Variants in SLC11A2 observed in about 807,000 individuals in gnomAD.
SLC11A2 encodes solute carrier family 11 member 2.
In SLC11A2, 38 loss-of-function variants were observed where a neutral mutation model predicts 68.0. That is an observed-to-expected ratio of 0.56 (90% CI 0.43 to 0.73). The LOEUF is 0.73. SLC11A2 is among the 30% of genes least tolerant of loss of function. SLC11A2 has a pLI of 0.00. For synonymous variants in SLC11A2, 242 were observed against 250.6 expected (o/e 0.97, Z 0.32); for missense variants, 517 against 690.5 (o/e 0.75, Z 2.82).
At chr12:51,005,513 G>A in intron 3 of SLC11A2, 77 bp from the exon 4 acceptor site, 7 of 1,598,228 alleles carry the variant, frequency 4.4e-6, no homozygotes, top group Non-Finnish European at 6.0e-6. Context: ...TATCACATAT[G>A]AAGCAACAAA....
the SLC11A2 span, among the ~76,000 whole-genome samples, chr12:50,970,702 G>A: frequency 8.5e-5 from 13 of 152,180 alleles, no homozygotes; most frequent in African/African-American, 2.6e-4. Flanking sequence ...GAAATATCCC[G>A]TGTTAATGTC....
Position 50,986,927 on chromosome 12 carries a change from G to A in SLC11A2, c.*1398C>T, listed in dbSNP as rs1218714195. On this transcript the variant is annotated 3_prime_UTR_variant, in exon 16 of 16. Coordinates refer to ENST00000262052, the MANE Select transcript of SLC11A2 (RefSeq NM_000617.3). ...ACACCAATCAGCCAGGACTCTGGAA[G>A]GAAAGCTCCAAAAATGAGAAGTCCT... is the stretch of plus-strand genomic sequence containing the variant. The A allele has an allele frequency of 7.8e-7, 1 of 1,287,208 alleles. No homozygotes were observed. Among genetic ancestry groups the A allele is most frequent in the East Asian group, 5.5e-5 (1 of 18,026 alleles). 79.7% of individuals were successfully genotyped at this position (1,287,208 alleles called of 1,614,324 possible). A position where few individuals can be genotyped will look rare whatever the true frequency, so the allele number is the denominator to read the frequency against.
At chr12:51,021,629 A>AC (rs1379552530) in intron 1 of SLC11A2, among the ~76,000 whole-genome samples, 2 of 151,374 alleles carry the variant, frequency 1.3e-5, no homozygotes, top group African/African-American at 4.8e-5. Context: ...CCTGTCTCAA[A>AC]AAAAAAAAAA....
chr12:50,960,874 C>G, the SLC11A2 span: 2 of 1,051,366 alleles, frequency 1.9e-6, no homozygotes, highest in Non-Finnish European at 1.3e-6. Context: ...GAGATGGGGT[C>G]TTGCTATGTT....
chr12:50,981,224 A>G (rs574931990), downstream of SLC11A2: 1 of 152,512 alleles, frequency 6.6e-6, no homozygotes, highest in East Asian at 1.9e-4. Flanking sequence ...TCACTGACAT[A>G]GTAAAGTATC....
Position 50,986,141 on chromosome 12 carries a change from T to A in SLC11A2, c.*2184A>T. The stretch of plus-strand genomic sequence containing the variant: ...CCTTTTCCCCTGTTAATTTCCAGTA[T>A]AATGTAGCAGCACAATTATTTCATG... On this transcript the variant is annotated 3_prime_UTR_variant, in exon 16 of 16. Transcript: ENST00000262052. 1 of 1,286,242 alleles carries A rather than the reference T, an allele frequency of 7.8e-7. No homozygotes were observed. The highest frequency in any genetic ancestry group is 1.0e-6 in the Non-Finnish European group (1 of 987,892). The allele number at this position is 1,286,242 out of a possible 1,614,324, so 79.7% of individuals were successfully genotyped here.
At chr12:50,996,262 C>T (rs1382813510) in intron 9 of SLC11A2, among the ~76,000 whole-genome samples, 1 of 152,196 alleles carries the variant, frequency 6.6e-6, no homozygotes, top group Non-Finnish European at 1.5e-5. Context: ...ACTTGATGCA[C>T]TTCCAACCTT....
chr12:50,960,962 T>C, the SLC11A2 span: 1 of 1,562,870 alleles, frequency 6.4e-7, no homozygotes, highest in South Asian at 1.2e-5. Context: ...CTTTTAAAAT[T>C]CACAGGTATA....
the SLC11A2 span, among the ~76,000 whole-genome samples, chr12:50,956,293 G>T: frequency 1.3e-5 from 2 of 152,186 alleles, no homozygotes; most frequent in African/African-American, 4.8e-5. Context: ...TCAGGAGGCT[G>T]AGGCGGGAGA....
At chr12:51,014,343 C>A (rs543183388) in intron 1 of SLC11A2, 1 of 152,150 alleles carries the variant, frequency 6.6e-6, no homozygotes, top group African/African-American at 2.4e-5. Flanking sequence ...AGAAATATTT[C>A]ATGATAAAAT....
Position 50,992,836 on chromosome 12 carries a change from T to C in SLC11A2, c.1171A>G (p.Thr391Ala), listed in dbSNP as rs755918883. The change falls in exon 12 of 16, where the codon ACC becomes GCC. Residue 391 changes from threonine to alanine, a missense_variant. Physicochemically the swap from Thr to Ala is moderately conservative, Grantham distance 58. Coordinates refer to ENST00000262052, the MANE Select transcript of SLC11A2 (RefSeq NM_000617.3). Reference sequence around the variant, plus strand: ...TCCATGACAAACTGGCCAGAATAGGTTCCTGTCATGGTGGAGCTCTGTCCT... The same window carrying C: ...TCCATGACAAACTGGCCAGAATAGGCTCCTGTCATGGTGGAGCTCTGTCCT... ...AAGQSSTMTG[T>A]YSGQFVMEGF... 9 of 1,613,584 alleles carry C rather than the reference T, an allele frequency of 5.6e-6. No homozygotes were observed. In the South Asian group the frequency reaches 8.8e-5, roughly 16 times the overall value.
At chr12:50,956,405 GGAT>G in the SLC11A2 span, among the ~76,000 whole-genome samples, 1 of 151,948 alleles carries the variant, frequency 6.6e-6, no homozygotes, top group Non-Finnish European at 1.5e-5. Flanking sequence ...AAAAAAAATT[GGAT>G]ATATATCATT....
chr12:50,954,924 C>T, the SLC11A2 span, among the ~76,000 whole-genome samples: 3 of 152,006 alleles, frequency 2.0e-5, no homozygotes, highest in Non-Finnish European at 2.9e-5. Context: ...TGCTCAGTGG[C>T]CCTCTGTGCT....
downstream of SLC11A2, among the ~76,000 whole-genome samples, chr12:50,982,552 A>AG (rs766880657): frequency 6.6e-6 from 1 of 152,164 alleles, no homozygotes; most frequent in Non-Finnish European, 1.5e-5. Flanking sequence ...ACTTGAACCC[A>AG]GGAGGCAGAG....
chr12:50,957,937 G>GGTGTGTGTGTGTGTGT, the SLC11A2 span, among the ~76,000 whole-genome samples: 614 of 132,484 alleles, frequency 4.6e-3, 11 homozygotes, highest in African/African-American at 9.5e-3. Flanking sequence ...ATGAATTGGA[G>GGTGTGTGTGTGTGTGT]GTGTGTGTGT....
At chr12:50,956,609 A>G in the SLC11A2 span, among the ~76,000 whole-genome samples, 6 of 152,128 alleles carry the variant, frequency 3.9e-5, no homozygotes, top group African/African-American at 1.2e-4. Flanking sequence ...TGCATGCATT[A>G]TATCTATTTA....
At chr12:50,997,679 C>A (rs1389597448) in intron 8 of SLC11A2, among the ~76,000 whole-genome samples, 25 of 44,972 alleles carry the variant, frequency 5.6e-4, no homozygotes, top group African/African-American at 2.1e-3. Context: ...GACTCTGTCT[C>A]AAAAAAAAAA....
chr12:51,028,177 T>C, upstream of SLC11A2: 1 of 1,532,456 alleles, frequency 6.5e-7, no homozygotes, highest in Non-Finnish European at 8.7e-7. Context: ...GGCTACTTAC[T>C]TAGTTCACAG....
At position 51,026,302 on chromosome 12, in the gene SLC11A2, C is replaced by A; in HGVS notation, c.-39+8G>T. 7.9e-7 allele frequency: 1 copy of A among 1,259,344 alleles called. No individual in the cohort carries two copies. The highest frequency in any genetic ancestry group is 1.0e-6 in the Non-Finnish European group (1 of 964,364). 78.0% of individuals were successfully genotyped at this position (1,259,344 alleles called of 1,614,324 possible). Reference sequence around the variant, plus strand: ...ATGCCGTGACCCCTGACCTTGCCTTCCCCTCACCTTACCAGCTCCGCAACC... The same window carrying A: ...ATGCCGTGACCCCTGACCTTGCCTTACCCTCACCTTACCAGCTCCGCAACC... On this transcript the variant is annotated splice_region_variant and intron_variant, in intron 1 of 15. Transcript: ENST00000262052.
Sources: gnomAD v4.1 joint callset for allele counts (sites outside exome capture counted in the v4.1 genomes callset) on GRCh38, gnomAD v4.1.1 for gene constraint, MANE v1.5 for transcripts, NCBI Gene and HGNC (gene_info 2026-07-23, HGNC 2026-07-21) for gene names.